TJP2: variants seen among roughly 807,000 people sequenced by gnomAD.
TJP2 encodes tight junction protein 2.
TJP2 carries 91 observed loss-of-function variants against 133.1 expected under a neutral mutation model. The ratio of observed to expected loss-of-function variants is 0.68; its 90% confidence interval spans 0.58 to 0.81. TJP2 has a LOEUF of 0.81. Ranked by LOEUF, TJP2 falls within the 40% of genes least tolerant of loss-of-function variation. TJP2 has a pLI of 0.00. For missense variants in TJP2, 1,541 were observed against 1,565.6 expected, an observed-to-expected ratio of 0.98 and a Z score of 0.26; for synonymous variants, 592 against 583.4, an observed-to-expected ratio of 1.01 and a Z score of -0.21.
At chr9:69,243,107 G>T (rs946452651) in intron 17 of TJP2, among the ~76,000 whole-genome samples, 3 of 152,114 alleles carry the variant, frequency 2.0e-5, no homozygotes, top group Admixed American at 2.0e-4. Context: ...CAAGCAATCT[G>T]CCCGTGTTGG....
upstream of TJP2, among the ~76,000 whole-genome samples, chr9:69,173,470 C>G (rs1356726222): frequency 6.6e-6 from 1 of 152,168 alleles, no homozygotes; most frequent in Admixed American, 6.5e-5. Context: ...TACTGGCAAC[C>G]TTTTATAAGC....
rs765466067 is a variant in TJP2, at chr9:69,248,068, C to T, written c.2724C>T (p.Gly908=). Residue 908 remains glycine (G), a synonymous_variant, in exon 19 of 23, where the codon GGC becomes GGT. Coordinates refer to ENST00000377245, the MANE Select transcript of TJP2 (RefSeq NM_004817.4). The part of the protein sequence containing the change: ...EDRMSYLTAM[G]ADYLSCDSRL... ...GCATGTCCTACTTAACCGCCATGGGCGCGGACTATCTGAGTTGCGACAGCC... is the reference window on the plus strand; with the variant it reads ...GCATGTCCTACTTAACCGCCATGGGTGCGGACTATCTGAGTTGCGACAGCC... The T allele has an allele frequency of 1.3e-5, 21 of 1,613,976 alleles. No homozygotes were observed. The Admixed American group carries it at 1.5e-4, about 12-fold the overall frequency.
chr9:69,156,722 G>A (rs1823786295), intron 2 of TJP2, among the ~76,000 whole-genome samples: 2 of 151,614 alleles, frequency 1.3e-5, no homozygotes, highest in African/African-American at 4.8e-5. Flanking sequence ...TAGTAGAGAC[G>A]GGGTTTCACC....
chr9:69,215,417 T>A (rs1371661212), intron 2 of TJP2, among the ~76,000 whole-genome samples: 2 of 151,880 alleles, frequency 1.3e-5, no homozygotes, highest in Non-Finnish European at 2.9e-5. Flanking sequence ...TTTAGAGACT[T>A]CTCCATTTGC....
chr9:69,201,412 C>T (rs1276058111), intron 1 of TJP2, among the ~76,000 whole-genome samples: 2 of 150,750 alleles, frequency 1.3e-5, no homozygotes, highest in African/African-American at 4.9e-5. Flanking sequence ...TTCTTTGGAC[C>T]CTGAACAAAC....
chr9:69,215,601 G>A lies in TJP2; in HGVS notation c.115-738G>A, dbSNP rs149814267. Among the ~76,000 whole-genome samples, 1,422 of 151,926 alleles carry A rather than the reference G, an allele frequency of 9.4e-3. 11 individuals carry two copies. The highest frequency in any genetic ancestry group is 0.016 in the Non-Finnish European group (1,064 of 67,974). ...GGGTTTTGCCATGTTGTCCAGGCTG[G>A]TCTTGAGCTGCTGGACTCAAGCAAT... is the stretch of plus-strand genomic sequence containing the variant. On this transcript the variant is annotated intron_variant, in intron 2 of 22. Coordinates refer to ENST00000377245, the MANE Select transcript of TJP2 (RefSeq NM_004817.4).
chr9:69,156,110 A>T (rs1823743428), intron 2 of TJP2, among the ~76,000 whole-genome samples: 1 of 152,200 alleles, frequency 6.6e-6, no homozygotes, highest in Non-Finnish European at 1.5e-5. Context: ...CACGCCTGTA[A>T]TCCTAGCACT....
intron 2 of TJP2, among the ~76,000 whole-genome samples, chr9:69,162,488 T>C (rs183392461): frequency 3.3e-5 from 5 of 152,342 alleles, no homozygotes; most frequent in Admixed American, 2.6e-4. Flanking sequence ...GCTAAATGAA[T>C]CAGGAGTTTC....
At position 69,248,210 on chromosome 9, in the gene TJP2, G is replaced by A; in HGVS notation, c.2866G>A (p.Val956Met). ...GTCCATCACCCGCTCCTCGGAGCCG[G>A]TGCAGCACGAGGAGGTGAGGCGAGG... ...VSSITRSSEPVQHEESIRKPS... is the reference protein window; with the variant it reads ...VSSITRSSEPMQHEESIRKPS... The change falls in exon 19 of 23, where the codon GTG becomes ATG. Residue 956 changes from valine to methionine, a missense_variant. Physicochemically the swap from Val to Met is conservative, Grantham distance 21. Transcript: ENST00000377245. The A allele has an allele frequency of 6.2e-7, 1 of 1,603,050 alleles. No individual in the cohort carries two copies. The highest frequency in any genetic ancestry group is 8.5e-7 in the Non-Finnish European group (1 of 1,174,132).
intron 3 of TJP2, among the ~76,000 whole-genome samples, chr9:69,217,347 G>A (rs140305221): frequency 8.5e-4 from 130 of 152,310 alleles, no homozygotes; most frequent in African/African-American, 2.9e-3. Flanking sequence ...TTCTCAGGAC[G>A]AAGTCTAAAG....
At chr9:69,234,740 A>G (rs931907738) in intron 12 of TJP2, among the ~76,000 whole-genome samples, 193 bp downstream of exon 12, 2 of 152,168 alleles carry the variant, frequency 1.3e-5, no homozygotes, top group South Asian at 2.1e-4. Context: ...AATGTTTTCT[A>G]TGCATGCACT....
At position 69,125,024 on chromosome 9, in the gene TJP2, C is replaced by T. The variant is rs1822268235; in HGVS notation, c.-131+3299C>T. Reference sequence around the variant, plus strand: ...CTGGAGTGCAACGGCGCGATCTTGGCTTACTGCAACCTCTGCTTCCCAGGT... The same window carrying T: ...CTGGAGTGCAACGGCGCGATCTTGGTTTACTGCAACCTCTGCTTCCCAGGT... On this transcript the variant is annotated intron_variant, in intron 1 of 5. Transcript: ENST00000423935. Among the ~76,000 whole-genome samples, 3 of 76,706 alleles carry T rather than the reference C, an allele frequency of 3.9e-5. 1 individual carries two copies. Among genetic ancestry groups the T allele is most frequent in the Non-Finnish European group, 9.0e-5 (3 of 33,446 alleles). 50.3% of individuals were successfully genotyped at this position (76,706 alleles called of 152,430 possible).
intron 1 of TJP2, among the ~76,000 whole-genome samples, chr9:69,131,240 G>C (rs918562735): frequency 3.3e-5 from 5 of 152,212 alleles, no homozygotes; most frequent in African/African-American, 1.2e-4. Flanking sequence ...GTATTTGCCT[G>C]CTCAGCTTAA....
In TJP2 at chr9:69,254,848, C is replaced by A. The variant is rs1831589195; in HGVS notation, c.*474C>A. 1 of 435,368 alleles carries A rather than the reference C, an allele frequency of 2.3e-6. No individual in the cohort carries two copies. The highest frequency in any genetic ancestry group is 2.0e-5 in the African/African-American group (1 of 50,020). 27.0% of individuals were successfully genotyped at this position (435,368 alleles called of 1,614,324 possible). A position where few individuals can be genotyped will look rare whatever the true frequency, so the allele number is the denominator to read the frequency against. ...TTTAAGTGCCTTGGATGAGAAGTGT[C>A]TTAAATTTTCTTCCTTTGAAGCTTT... On this transcript the variant is annotated 3_prime_UTR_variant, in exon 23 of 23. Transcript: ENST00000377245.
chr9:69,206,585 T>TA lies in TJP2; in HGVS notation c.61-5962dup, dbSNP rs200801130. Reference sequence around the variant, plus strand: ...TATTTATTTATTTATTTAATTTTTTTATTTCTTTTTGAGACGGAGTCTTGC... The same window carrying TA: ...TATTTATTTATTTATTTAATTTTTTTAATTTCTTTTTGAGACGGAGTCTTGC... On this transcript the variant is annotated intron_variant, in intron 1 of 22. Coordinates refer to ENST00000377245, the MANE Select transcript of TJP2 (RefSeq NM_004817.4). 1.1e-4 allele frequency among the ~76,000 whole-genome samples: 16 copies of TA among 151,428 alleles called. 1 individual carries two copies. Among genetic ancestry groups the TA allele is most frequent in the Admixed American group, 6.6e-5 (1 of 15,222 alleles).
chr9:69,208,052 C>A (rs1827575281), intron 1 of TJP2, among the ~76,000 whole-genome samples: 1 of 152,182 alleles, frequency 6.6e-6, no homozygotes. Flanking sequence ...AAGGTGGATG[C>A]TTAATAAATG....
chr9:69,145,824 G>A, intron 1 of TJP2: 1 of 1,231,108 alleles, frequency 8.1e-7, no homozygotes, highest in Non-Finnish European at 1.0e-6. Context: ...ACCTGGGTAA[G>A]CAGAGGAGGC....
chr9:69,184,271 C>G (rs78590456), intron 1 of TJP2, among the ~76,000 whole-genome samples: 1 of 152,074 alleles, frequency 6.6e-6, no homozygotes, highest in Non-Finnish European at 1.5e-5. Context: ...AGGCGAGATG[C>G]GCAAAAAATG....
In TJP2 at chr9:69,254,736, G is replaced by C. The variant is rs1831583403; in HGVS notation, c.*362G>C. Reference sequence around the variant, plus strand: ...TCATTAATAGCTGCCTTCAAGGACTGTTTCAGTGTGAGTCAGAATGTGAAA... The same window carrying C: ...TCATTAATAGCTGCCTTCAAGGACTCTTTCAGTGTGAGTCAGAATGTGAAA... On this transcript the variant is annotated 3_prime_UTR_variant, in exon 23 of 23. Coordinates refer to ENST00000377245, the MANE Select transcript of TJP2 (RefSeq NM_004817.4). The C allele has an allele frequency of 1.9e-6, 1 of 534,796 alleles. No individual in the cohort carries two copies. Among genetic ancestry groups the C allele is most frequent in the Non-Finnish European group, 3.3e-6 (1 of 303,892 alleles). 33.1% of individuals were successfully genotyped at this position (534,796 alleles called of 1,614,324 possible).
Sources: gnomAD v4.1 joint callset for allele counts (sites outside exome capture counted in the v4.1 genomes callset) on GRCh38, gnomAD v4.1.1 for gene constraint, MANE v1.5 for transcripts, NCBI Gene and HGNC (gene_info 2026-07-23, HGNC 2026-07-21) for gene names.